MTBP: variants seen among roughly 807,000 people sequenced by gnomAD.
The protein encoded by MTBP is MDM2 binding protein, also known as mdm2-binding protein.
In MTBP, 101 loss-of-function variants were observed where a neutral mutation model predicts 117.0. The ratio of observed to expected loss-of-function variants is 0.86; its 90% CI spans 0.73 to 1.02. The LOEUF is 1.02. Ranked by LOEUF, MTBP falls within the 50% of genes least tolerant of loss-of-function variation. The probability of loss-of-function intolerance (pLI) is 0.00; values close to 1 mark genes in which losing one functional copy is unlikely to be tolerated. For synonymous variants in MTBP, 350 were observed against 351.5 expected (o/e 1.00, Z 0.05); for missense variants, 970 against 1,030.9 (o/e 0.94, Z 0.81).
chr8:120,474,828 G>A (rs927882649), intron 11 of MTBP, among the ~76,000 whole-genome samples: 3 of 151,910 alleles, frequency 2.0e-5, no homozygotes, highest in Non-Finnish European at 4.4e-5. Flanking sequence ...ATATTCAGAA[G>A]TTATTATAAC....
chr8:120,469,349 T>A (rs547486232), intron 10 of MTBP, among the ~76,000 whole-genome samples: 1 of 152,156 alleles, frequency 6.6e-6, no homozygotes, highest in African/African-American at 2.4e-5. Context: ...CCTGGCCTTA[T>A]TGAGCTTTCT....
intron 16 of MTBP, 90 bp downstream of exon 16, chr8:120,506,951 A>T: frequency 8.9e-7 from 1 of 1,126,930 alleles, no homozygotes. Context: ...TTGATGTCCT[A>T]TGCTACTCAG....
Position 120,451,509 on chromosome 8 carries a change from TTACATAATGTCAA to T in MTBP, c.425+188_425+200del. On this transcript the variant is annotated intron_variant, in intron 4 of 21. Coordinates refer to ENST00000305949, the MANE Select transcript of MTBP (RefSeq NM_022045.5). ...TCTTTAAAATGCATGTTTCTTAAGC[TTACATAATGTCAA>T]GAATCATAAAAAGTGATATTTTAAT... 5.8e-6 allele frequency: 3 copies of T among 515,242 alleles called. No individual in the cohort carries two copies. In the South Asian group the frequency reaches 8.6e-5, roughly 15 times the overall value. 31.9% of individuals were successfully genotyped at this position (515,242 alleles called of 1,614,324 possible). A position where few individuals can be genotyped will look rare whatever the true frequency, so the allele number is the denominator to read the frequency against.
At chr8:120,469,386 T>C (rs752402878) in intron 10 of MTBP, among the ~76,000 whole-genome samples, 63 of 152,178 alleles carry the variant, frequency 4.1e-4, no homozygotes, top group Non-Finnish European at 2.6e-4. Context: ...CAAATGACCA[T>C]AGAATGGTCG....
intron 4 of MTBP, among the ~76,000 whole-genome samples, chr8:120,453,604 C>G (rs932991352): frequency 1.7e-4 from 26 of 151,678 alleles, no homozygotes; most frequent in African/African-American, 6.3e-4. Context: ...AGAACTTGTA[C>G]TCAGGGTTTG....
intron 14 of MTBP, among the ~76,000 whole-genome samples, chr8:120,499,568 C>A (rs1814537266): frequency 6.6e-6 from 1 of 152,132 alleles, no homozygotes; most frequent in Non-Finnish European, 1.5e-5. Context: ...TGAAGAAATA[C>A]ATCTACTTGT....
chr8:120,518,032 CA>C lies in MTBP; in HGVS notation c.2434del (p.Ser812ValfsTer23). The C allele has an allele frequency of 1.2e-6, 2 of 1,612,470 alleles. No homozygotes were observed. Among genetic ancestry groups the C allele is most frequent in the Non-Finnish European group, 1.7e-6 (2 of 1,179,064 alleles). On this transcript the variant is annotated frameshift_variant, in exon 19 of 22. Coordinates refer to ENST00000305949, the MANE Select transcript of MTBP (RefSeq NM_022045.5). LOFTEE classifies it high-confidence loss of function. ...PKLATKTSSG[Q>X]KSMHESKTSR... ...ACTTGCTACAAAGACCAGTTCAGGTCAAAAAAGTATGCATGAATCAAAAACA... is the reference window on the plus strand; with the variant it reads ...ACTTGCTACAAAGACCAGTTCAGGTCAAAAAGTATGCATGAATCAAAAACA...
At chr8:120,459,467 AT>A in intron 8 of MTBP, 118 bp downstream of exon 8, 1 of 946,320 alleles carries the variant, frequency 1.1e-6, no homozygotes, top group South Asian at 1.9e-5. Flanking sequence ...CACTAGCATA[AT>A]TTTTAATATA....
chr8:120,502,676 T>A, intron 15 of MTBP, 67 bp downstream of exon 15: 1 of 972,886 alleles, frequency 1.0e-6, no homozygotes, highest in Non-Finnish European at 1.5e-6. Context: ...TTAAAATAGT[T>A]AAATTATGTT....
chr8:120,491,719 G>T (rs1022834407), intron 13 of MTBP, among the ~76,000 whole-genome samples: 1 of 152,064 alleles, frequency 6.6e-6, no homozygotes, highest in African/African-American at 2.4e-5. Flanking sequence ...CTTGCCATAT[G>T]CCTCTGGCAG....
At chr8:120,502,966 T>C (rs115529578) in intron 15 of MTBP, among the ~76,000 whole-genome samples, 1 of 152,338 alleles carries the variant, frequency 6.6e-6, no homozygotes, top group African/African-American at 2.4e-5. Flanking sequence ...TTTGAACCAC[T>C]TTGATCTTTT....
chr8:120,510,124 A>C (rs1413580703), intron 17 of MTBP, 95 bp downstream of exon 17: 2 of 876,056 alleles, frequency 2.3e-6, no homozygotes, highest in East Asian at 5.4e-5. Flanking sequence ...AAATTGAGAC[A>C]GAGACCAAGA....
At position 120,490,493 on chromosome 8, in the gene MTBP, A is replaced by G; in HGVS notation, c.1370A>G (p.His457Arg). ...SFPFDLLSLPHFSGEQIVQRE... is the reference protein window; with the variant it reads ...SFPFDLLSLPRFSGEQIVQRE... ...CCTTTTGACTTATTATCACTTCCAC[A>G]TTTTTCTGGGGAGCAGATTGTACAG... Residue 457 changes from histidine to arginine, a missense_variant, in exon 13 of 22, where the codon CAT (histidine) becomes CGT (arginine). Transcript: ENST00000305949. 3 of 1,603,600 alleles carry G rather than the reference A, an allele frequency of 1.9e-6. No individual in the cohort carries two copies. Among genetic ancestry groups the G allele is most frequent in the African/African-American group, 1.4e-5 (1 of 73,798 alleles).
At position 120,491,839 on chromosome 8, in the gene MTBP, G is replaced by A. The variant is rs1008332360; in HGVS notation, c.1447+1269G>A. 2.6e-5 allele frequency among the ~76,000 whole-genome samples: 4 copies of A among 151,970 alleles called. No homozygotes were observed. The East Asian group carries it at 5.8e-4, about 22-fold the overall frequency. Reference sequence around the variant, plus strand: ...AAGAGCAGGGACCTCTCTAAAGCTGGTGCATCTCTTCTTTGTGAAAGGAGA... The same window carrying A: ...AAGAGCAGGGACCTCTCTAAAGCTGATGCATCTCTTCTTTGTGAAAGGAGA... On this transcript the variant is annotated intron_variant, in intron 13 of 21. Transcript: ENST00000305949.
intron 20 of MTBP, among the ~76,000 whole-genome samples, chr8:120,521,487 C>T (rs1372455227): frequency 1.3e-5 from 2 of 152,062 alleles, no homozygotes; most frequent in Non-Finnish European, 2.9e-5. Context: ...TTCTCCCTAA[C>T]ATCAGTTCTC....
In MTBP at chr8:120,445,477, C is replaced by T; in HGVS notation, c.7C>T (p.Arg3Trp). The change falls in exon 1 of 22, where the codon CGG becomes TGG. Residue 3 changes from arginine to tryptophan, a missense_variant. Arg to Trp is a moderately radical substitution (Grantham distance 101). Transcript: ENST00000305949. MD[R>W]YLLLVIWGEG... ...GGGGGTGATCTCTGAGGAGATGGAT[C>T]GGTACCTGCTGCTGGTGATCTGGGG... 2 of 1,612,798 alleles carry T rather than the reference C, an allele frequency of 1.2e-6. No homozygotes were observed. The highest frequency in any genetic ancestry group is 1.7e-6 in the Non-Finnish European group (2 of 1,179,502).
At chr8:120,521,326 CA>C (rs1815004187) in intron 20 of MTBP, among the ~76,000 whole-genome samples, 1 of 152,058 alleles carries the variant, frequency 6.6e-6, no homozygotes, top group Admixed American at 6.6e-5. Flanking sequence ...AAATTATAAC[CA>C]TAATACATTA....
At chr8:120,511,452 C>T (rs13261347) in intron 17 of MTBP, among the ~76,000 whole-genome samples, 80,480 of 152,052 alleles carry the variant, frequency 0.53, 24,578 homozygotes, top group Non-Finnish European at 0.67. Context: ...TGCACCACCA[C>T]GCCTGGCTAA....
rs150146227 is a variant in MTBP at position 120,457,836 on chromosome 8, G to A, written c.747+1166G>A. Among the ~76,000 whole-genome samples, 1,004 of 151,628 alleles carry A rather than the reference G, an allele frequency of 6.6e-3. 10 individuals carry two copies. The highest frequency in any genetic ancestry group is 0.014 in the Middle Eastern group (4 of 294). On this transcript the variant is annotated intron_variant, in intron 7 of 21. Transcript: ENST00000305949. ...CTACTCAAGAGGCTGGGACTCTTGA[G>A]GCAGGAGAATGAGGCAGGAGAATGG...
Sources: allele counts gnomAD v4.1 joint callset (sites outside exome capture counted in the v4.1 genomes callset), GRCh38; gene constraint gnomAD v4.1.1; transcripts MANE v1.5; gene names NCBI Gene and HGNC (gene_info 2026-07-23, HGNC 2026-07-21).